CFAP107: variants seen among roughly 807,000 people sequenced by gnomAD.
The protein encoded by CFAP107 is cilia- and flagella-associated protein 107.
chr1:12,759,640 C>A, the CFAP107 span: 1 of 841,570 alleles, frequency 1.2e-6, no homozygotes, highest in Non-Finnish European at 1.9e-6. Context: ...TTCTATTGTA[C>A]CCTCAGGGCT....
the CFAP107 span, among the ~76,000 whole-genome samples, chr1:12,747,977 A>G: frequency 1.3e-5 from 2 of 152,266 alleles, no homozygotes; most frequent in Non-Finnish European, 2.9e-5. Flanking sequence ...TCTGGAAAAC[A>G]GTCAAAGATA....
the CFAP107 span, chr1:12,759,350 C>T: frequency 2.6e-5 from 42 of 1,613,998 alleles, no homozygotes; most frequent in Admixed American, 4.5e-4. Flanking sequence ...CACCAGGAGC[C>T]CCCACATCGC....
At chr1:12,759,988 G>T in the CFAP107 span, among the ~76,000 whole-genome samples, 1 of 152,110 alleles carries the variant, frequency 6.6e-6, no homozygotes, top group African/African-American at 2.4e-5. Flanking sequence ...TGGAGAGAAA[G>T]TGAGGTGGTG....
chr1:12,746,363 C>A, the CFAP107 span: 2 of 1,333,164 alleles, frequency 1.5e-6, no homozygotes, highest in Non-Finnish European at 2.1e-6. Flanking sequence ...AACTTCATAA[C>A]ACCTTCCTCT....
the CFAP107 span, among the ~76,000 whole-genome samples, chr1:12,749,813 G>T: frequency 1.3e-5 from 2 of 152,132 alleles, no homozygotes. Context: ...AAAGCTGAGG[G>T]TGTTTATTGA....
chr1:12,759,245 T>C, the CFAP107 span: 2 of 1,570,872 alleles, frequency 1.3e-6, no homozygotes. Context: ...AGCTCCTGTC[T>C]CCACCATGGC....
At chr1:12,753,612 A>T in the CFAP107 span, 1 of 152,200 alleles carries the variant, frequency 6.6e-6, no homozygotes, top group African/African-American at 2.4e-5. Context: ...AACCTGTTCA[A>T]TGGGGGAAAG....
chr1:12,757,923 C>T, the CFAP107 span, among the ~76,000 whole-genome samples: 3 of 152,138 alleles, frequency 2.0e-5, no homozygotes, highest in African/African-American at 7.2e-5. Flanking sequence ...ATCTAATTCT[C>T]ACATACCAAG....
At chr1:12,754,652 G>A in the CFAP107 span, among the ~76,000 whole-genome samples, 8 of 152,206 alleles carry the variant, frequency 5.3e-5, no homozygotes, top group Admixed American at 5.2e-4. Context: ...TGGTGTAAGT[G>A]TATCATGGAA....
the CFAP107 span, chr1:12,746,408 GA>G: frequency 3.1e-6 from 5 of 1,595,676 alleles, no homozygotes; most frequent in Non-Finnish European, 4.3e-6. Context: ...TCAAGTCAAA[GA>G]AACCTGGGGC....
the CFAP107 span, among the ~76,000 whole-genome samples, chr1:12,748,688 A>T: frequency 6.7e-6 from 1 of 150,172 alleles, no homozygotes; most frequent in Admixed American, 6.6e-5. Flanking sequence ...ATGAAGATAC[A>T]GAAAAAAAAA....
the CFAP107 span, chr1:12,759,580 C>A: frequency 7.0e-7 from 1 of 1,435,584 alleles, no homozygotes; most frequent in Non-Finnish European, 9.8e-7. Flanking sequence ...AGGAGCCACA[C>A]AGGTGACCCT....
At chr1:12,760,847 A>C in the CFAP107 span, 1 of 1,614,182 alleles carries the variant, frequency 6.2e-7, no homozygotes, top group Admixed American at 1.7e-5. Flanking sequence ...GAAGCAGAGC[A>C]CTTATACTTC....
chr1:12,760,914 T>C, the CFAP107 span: 5 of 1,613,714 alleles, frequency 3.1e-6, no homozygotes, highest in Non-Finnish European at 4.2e-6. Context: ...GCGGTCCCGG[T>C]CCCTCCCCAT....
the CFAP107 span, among the ~76,000 whole-genome samples, chr1:12,754,526 G>A: frequency 1.3e-5 from 2 of 152,172 alleles, no homozygotes; most frequent in Non-Finnish European, 2.9e-5. Context: ...TAAAAGAATC[G>A]AAAGCAGGGA....
the CFAP107 span, chr1:12,760,906 G>C: frequency 6.2e-7 from 1 of 1,613,838 alleles, no homozygotes; most frequent in Non-Finnish European, 8.5e-7. Context: ...GGGAGCATGC[G>C]GTCCCGGTCC....
At chr1:12,748,855 G>A in the CFAP107 span, among the ~76,000 whole-genome samples, 1 of 152,150 alleles carries the variant, frequency 6.6e-6, no homozygotes. Flanking sequence ...AGCAAAATGA[G>A]AATATTAAAA....
the CFAP107 span, among the ~76,000 whole-genome samples, chr1:12,757,944 C>T: frequency 0.011 from 1,643 of 152,248 alleles, 20 homozygotes; most frequent in Non-Finnish European, 0.017. Flanking sequence ...CCAATATTTC[C>T]TCTGCCTTAA....
At chr1:12,746,237 C>T in the CFAP107 span, 2 of 474,230 alleles carry the variant, frequency 4.2e-6, no homozygotes, top group Non-Finnish European at 7.8e-6. Flanking sequence ...TCAACTCTCC[C>T]TAAAGGCTGA....
Sources: gnomAD v4.1 joint callset for allele counts (sites outside exome capture counted in the v4.1 genomes callset) on GRCh38, gnomAD v4.1.1 for gene constraint, MANE v1.5 for transcripts, NCBI Gene and HGNC (gene_info 2026-07-23, HGNC 2026-07-21) for gene names.